Variants in GALNT13 observed in about 807,000 individuals in gnomAD.
GALNT13 encodes the protein UDP-GalNAc:polypeptide N-acetylgalactosaminyltransferase 13.
GALNT13 carries 28 observed loss-of-function variants against 64.2 expected under a neutral mutation model. That is an observed-to-expected ratio of 0.44 (90% CI 0.32 to 0.60). The LOEUF (loss-of-function observed/expected upper bound fraction) is 0.60, where lower values mean the gene tolerates loss of function less well. Among genes scored for constraint, GALNT13 ranks in the 20% least tolerant of loss-of-function variants. The pLI is 0.05. For missense variants in GALNT13, 577 were observed against 669.8 expected (o/e 0.86, Z 1.53); for synonymous variants, 214 against 224.6 (o/e 0.95, Z 0.42).
chr2:153,246,230 A>T, the GALNT13 span, among the ~76,000 whole-genome samples: 1 of 152,202 alleles, frequency 6.6e-6, no homozygotes, highest in African/African-American at 2.4e-5. Context: ...ATACTTCAGG[A>T]TATTATCCAG....
chr2:153,531,977 G>C, the GALNT13 span, among the ~76,000 whole-genome samples: 2 of 152,162 alleles, frequency 1.3e-5, no homozygotes, highest in Non-Finnish European at 2.9e-5. Flanking sequence ...CTGGCTTTGA[G>C]TGCCTTCAGC....
chr2:154,366,877 A>G (rs190409488), intron 9 of GALNT13, among the ~76,000 whole-genome samples: 2 of 152,258 alleles, frequency 1.3e-5, no homozygotes, highest in East Asian at 3.9e-4. Context: ...CACTTAAGGT[A>G]CAGGGACTCC....
chr2:154,164,320 A>G (rs1684903094), intron 4 of GALNT13, among the ~76,000 whole-genome samples: 1 of 152,182 alleles, frequency 6.6e-6, no homozygotes, highest in Non-Finnish European at 1.5e-5. Context: ...AATTGCTTAA[A>G]TATAAGTGAA....
At chr2:153,527,973 A>G in the GALNT13 span, among the ~76,000 whole-genome samples, 2 of 152,016 alleles carry the variant, frequency 1.3e-5, no homozygotes, top group African/African-American at 4.8e-5. Flanking sequence ...ATTACTGGAG[A>G]AAATCACCTT....
At chr2:153,512,071 A>G in the GALNT13 span, among the ~76,000 whole-genome samples, 1 of 152,182 alleles carries the variant, frequency 6.6e-6, no homozygotes, top group Non-Finnish European at 1.5e-5. Context: ...GTCAGGGTCA[A>G]TGGAGGAGTT....
chr2:153,576,289 C>G, the GALNT13 span, among the ~76,000 whole-genome samples: 1 of 152,074 alleles, frequency 6.6e-6, no homozygotes, highest in South Asian at 2.1e-4. Context: ...CGAGTGCCCC[C>G]CATCCACAGT....
At chr2:153,095,845 T>C in the GALNT13 span, among the ~76,000 whole-genome samples, 1 of 151,876 alleles carries the variant, frequency 6.6e-6, no homozygotes, top group Non-Finnish European at 1.5e-5. Context: ...AATGAAACAC[T>C]TGGACACAGG....
At chr2:153,562,506 T>C in the GALNT13 span, among the ~76,000 whole-genome samples, 1 of 152,104 alleles carries the variant, frequency 6.6e-6, no homozygotes, top group Non-Finnish European at 1.5e-5. Flanking sequence ...CCATGTGTAT[T>C]CTCTATTTGG....
At chr2:154,446,662 A>T in intron 12 of GALNT13, 2 of 1,548,822 alleles carry the variant, frequency 1.3e-6, no homozygotes, top group South Asian at 2.4e-5. Context: ...ACCTGTAATG[A>T]TAGCACTTTG....
the GALNT13 span, among the ~76,000 whole-genome samples, chr2:153,261,411 A>G: frequency 6.6e-6 from 1 of 152,188 alleles, no homozygotes; most frequent in African/African-American, 2.4e-5. Context: ...CATTGCAGCC[A>G]TATTTGCTTA....
chr2:153,559,237 T>G, the GALNT13 span, among the ~76,000 whole-genome samples: 1 of 152,166 alleles, frequency 6.6e-6, no homozygotes, highest in African/African-American at 2.4e-5. Flanking sequence ...TCTAATTGTC[T>G]GAAAGAGTCT....
the GALNT13 span, among the ~76,000 whole-genome samples, chr2:153,809,093 T>TC: frequency 6.6e-6 from 1 of 152,180 alleles, no homozygotes; most frequent in African/African-American, 2.4e-5. Context: ...TCTCATATTT[T>TC]CTCTCTCTCA....
intron 6 of GALNT13, among the ~76,000 whole-genome samples, chr2:154,244,103 T>G (rs189526990): frequency 0.011 from 1,617 of 152,292 alleles, 14 homozygotes; most frequent in Non-Finnish European, 0.018. Flanking sequence ...TTATGTTGTT[T>G]TTTTTTTCCA....
the GALNT13 span, among the ~76,000 whole-genome samples, chr2:153,350,612 A>G: frequency 6.6e-6 from 1 of 151,956 alleles, no homozygotes; most frequent in South Asian, 2.1e-4. Context: ...CGAACTCCTG[A>G]CTTCAGGTGA....
At chr2:153,517,293 A>T in the GALNT13 span, among the ~76,000 whole-genome samples, 1 of 152,192 alleles carries the variant, frequency 6.6e-6, no homozygotes, top group African/African-American at 2.4e-5. Context: ...ATTCAGATTC[A>T]ATAGACCCTG....
At chr2:153,994,533 A>G (rs996568479) in intron 3 of GALNT13, among the ~76,000 whole-genome samples, 3 of 152,208 alleles carry the variant, frequency 2.0e-5, no homozygotes, top group Admixed American at 6.5e-5. Context: ...AGTCCCACCA[A>G]AAGTGTAAAA....
At chr2:154,440,613 T>C (rs7355280) in intron 12 of GALNT13, among the ~76,000 whole-genome samples, 20,200 of 152,124 alleles carry the variant, frequency 0.13, 1,513 homozygotes, top group African/African-American at 0.18. Flanking sequence ...ACAAAAAGCT[T>C]ATAAAATGTC....
rs1001443538 is a variant in GALNT13 at position 154,294,974 on chromosome 2, G to A, written c.976-6435G>A. The stretch of plus-strand genomic sequence containing the variant: ...CCTGGCTACGGCAGTTTTTTCAGTT[G>A]CCAACTTGACATATTTTGGAGTATT... On this transcript the variant is annotated intron_variant, in intron 8 of 12. Transcript: ENST00000392825. Among the ~76,000 whole-genome samples, 8 of 152,252 alleles carry A rather than the reference G, an allele frequency of 5.3e-5. No individual in the cohort carries two copies. The East Asian group carries it at 1.5e-3, about 29-fold the overall frequency.
At chr2:153,575,114 T>C in the GALNT13 span, among the ~76,000 whole-genome samples, 1 of 152,186 alleles carries the variant, frequency 6.6e-6, no homozygotes, top group African/African-American at 2.4e-5. Context: ...TCTTGCAACC[T>C]TGCAGAGGTA....
Sources: gnomAD v4.1 joint callset for allele counts (sites outside exome capture counted in the v4.1 genomes callset) on GRCh38, gnomAD v4.1.1 for gene constraint, MANE v1.5 for transcripts, NCBI Gene and HGNC (gene_info 2026-07-23, HGNC 2026-07-21) for gene names.